The following UGT1A1 variants were observed in gnomAD, a reference collection of about 807,000 sequenced individuals.
UGT1A1 encodes the protein UDP-glucuronosyltransferase 1A1.
UGT1A1 carries 33 observed loss-of-function variants against 40.6 expected under a neutral mutation model. The observed-to-expected ratio is 0.81, with a 90% CI of 0.62 to 1.09. The LOEUF is 1.09. Among genes scored for constraint, UGT1A1 ranks in the 50% least tolerant of loss-of-function variants. The pLI is 0.00. For missense variants in UGT1A1, 694 were observed against 671.2 expected (o/e 1.03, Z -0.38); for synonymous variants, 249 against 265.0 (o/e 0.94, Z 0.59).
In UGT1A1 at chr2:233,768,702, G is replaced by A. The variant is rs573948432; in HGVS notation, c.1304+263G>A. On this transcript the variant is annotated intron_variant, in intron 4 of 4. Coordinates refer to ENST00000305208, the MANE Select transcript of UGT1A1 (RefSeq NM_000463.3). Reference sequence around the variant, plus strand: ...CCCACGTTCAAGCAGTTCTGCCTCAGCCTCCGTGTAGCTGGGATTACAGGT... The same window carrying A: ...CCCACGTTCAAGCAGTTCTGCCTCAACCTCCGTGTAGCTGGGATTACAGGT... 1.1e-4 allele frequency among the ~76,000 whole-genome samples: 17 copies of A among 148,464 alleles called. No homozygotes were observed. In the East Asian group the frequency reaches 3.4e-3, roughly 30 times the overall value.
In UGT1A1 at chr2:233,772,878, G is replaced by T; in HGVS notation, c.*319G>T. 3.5e-6 allele frequency: 2 copies of T among 577,672 alleles called. No individual in the cohort carries two copies. The highest frequency in any genetic ancestry group is 5.2e-5 in the East Asian group (1 of 19,352). The allele number at this position is 577,672 out of a possible 1,614,324, so 35.8% of individuals were successfully genotyped here. A position where few individuals can be genotyped will look rare whatever the true frequency, so the allele number is the denominator to read the frequency against. Reference sequence around the variant, plus strand: ...GAAACATGGCCTGTTTGGGAGTGCGGGATTCAAAGGTGGTCCCACGGCTGC... The same window carrying T: ...GAAACATGGCCTGTTTGGGAGTGCGTGATTCAAAGGTGGTCCCACGGCTGC... On this transcript the variant is annotated 3_prime_UTR_variant, in exon 5 of 5. Transcript: ENST00000305208.
chr2:233,772,660 A>C lies in UGT1A1; in HGVS notation c.*101A>C. Reference sequence around the variant, plus strand: ...AAATTCATTTTATTCTTATTAAGGAAATACTTTGCATAAATTAATCAGCCC... The same window carrying C: ...AAATTCATTTTATTCTTATTAAGGACATACTTTGCATAAATTAATCAGCCC... On this transcript the variant is annotated 3_prime_UTR_variant, in exon 5 of 5. Transcript: ENST00000305208. 1 of 1,542,072 alleles carries C rather than the reference A, an allele frequency of 6.5e-7. No homozygotes were observed. The highest frequency in any genetic ancestry group is 8.7e-7 in the Non-Finnish European group (1 of 1,144,950).
intron 1 of UGT1A1, among the ~76,000 whole-genome samples, chr2:233,763,422 G>A (rs983086025): frequency 2.0e-4 from 31 of 152,076 alleles, no homozygotes; most frequent in Non-Finnish European, 4.1e-4. Context: ...ATCCAGTCAG[G>A]CAGTTGCTTT....
At chr2:233,762,023 TA>T (rs1176936322) in intron 1 of UGT1A1, among the ~76,000 whole-genome samples, 2 of 152,334 alleles carry the variant, frequency 1.3e-5, no homozygotes, top group Non-Finnish European at 2.9e-5. Flanking sequence ...ATTTGTATTT[TA>T]TTTTTTTTAA....
In UGT1A1 at chr2:233,769,879, A is replaced by C; in HGVS notation, c.1304+1440A>C. 5 of 413,904 alleles carry C rather than the reference A, an allele frequency of 1.2e-5. No individual in the cohort carries two copies. The highest frequency in any genetic ancestry group is 4.6e-5 in the East Asian group (1 of 21,696). 25.6% of individuals were successfully genotyped at this position (413,904 alleles called of 1,614,324 possible). ...TCTCAAAAAAAAAAAAAAAAATGAA[A>C]AGTCCACATAACCTGAGCATCATGT... On this transcript the variant is annotated intron_variant, in intron 4 of 4. Coordinates refer to ENST00000305208, the MANE Select transcript of UGT1A1 (RefSeq NM_000463.3). The surrounding 1 kb of genome is among the most constrained non-coding windows in gnomAD (Gnocchi z 4.4).
rs886044684 is a variant in UGT1A1 at position 233,767,925 on chromosome 2, A to G, written c.1073A>G (p.Asn358Ser). The G allele has an allele frequency of 1.2e-6, 2 of 1,614,156 alleles. No homozygotes were observed. Among genetic ancestry groups the G allele is most frequent in the Non-Finnish European group, 1.7e-6 (2 of 1,180,038 alleles). The change falls in exon 3 of 5, where the codon AAC (asparagine) becomes AGC (serine). Residue 358 changes from asparagine (N) to serine (S), a missense_variant. Transcript: ENST00000305208. ...ATACTTGTTAAGTGGCTACCCCAAA[A>G]CGATCTGCTTGGTATGTTGGGCGGA... ...NTILVKWLPQ[N>S]DLLGHPMTRA...
At position 233,772,264 on chromosome 2, in the gene UGT1A1, A is replaced by T. The variant is rs766626435; in HGVS notation, c.1307A>T (p.Tyr436Phe). ...AACGAAACTGTCTTTGTGTTTAGTTACAAGGAGAACATCATGCGCCTCTCC... is the reference window on the plus strand; with the variant it reads ...AACGAAACTGTCTTTGTGTTTAGTTTCAAGGAGAACATCATGCGCCTCTCC... ...ALKAVINDKSYKENIMRLSSL... is the reference protein window; with the variant it reads ...ALKAVINDKSFKENIMRLSSL... The change falls in exon 5 of 5, where the codon TAC (tyrosine) becomes TTC (phenylalanine). Residue 436 changes from tyrosine (Y) to phenylalanine (F), a missense_variant and splice_region_variant. Transcript: ENST00000305208. 1.9e-6 allele frequency: 3 copies of T among 1,614,262 alleles called. No individual in the cohort carries two copies. Among genetic ancestry groups the T allele is most frequent in the Non-Finnish European group, 2.5e-6 (3 of 1,180,060 alleles).
intron 4 of UGT1A1, chr2:233,770,700 A>G (rs1353912546): frequency 1.3e-5 from 2 of 152,056 alleles, no homozygotes; most frequent in African/African-American, 4.8e-5. Flanking sequence ...AATTCATCTT[A>G]AGGTTTATGT....
Position 233,760,930 on chromosome 2 carries a change from A to G in UGT1A1, c.643A>G (p.Ile215Val), listed in dbSNP as rs144398951. 63 of 1,614,176 alleles carry G rather than the reference A, an allele frequency of 3.9e-5. 1 individual carries two copies. In the Middle Eastern group the frequency reaches 1.3e-3, roughly 34 times the overall value. The change falls in exon 1 of 5, where the codon ATT (isoleucine) becomes GTT (valine). Residue 215 changes from isoleucine to valine, a missense_variant. Ile to Val is a conservative substitution (Grantham distance 29). Coordinates refer to ENST00000305208, the MANE Select transcript of UGT1A1 (RefSeq NM_000463.3). ...CCTGCAGCGGGTGAAGAACATGCTC[A>G]TTGCCTTTTCACAGAACTTTCTGTG... The part of the protein sequence containing the change: ...TFLQRVKNML[I>V]AFSQNFLCDV...
chr2:233,767,352 C>A (rs1699374337), intron 2 of UGT1A1, among the ~76,000 whole-genome samples, 187 bp downstream of exon 2: 1 of 152,112 alleles, frequency 6.6e-6, no homozygotes, highest in African/African-American at 2.4e-5. Context: ...ATTTGACTCT[C>A]AAATACTCTA....
In UGT1A1 at chr2:233,760,686, C is replaced by G. The variant is rs1553620770; in HGVS notation, c.399C>G (p.Asn133Lys). ...CTGGCTGTTCCCACTTACTGCACAACAAGGAGCTCATGGCCTCCCTGGCAG... is the reference window on the plus strand; with the variant it reads ...CTGGCTGTTCCCACTTACTGCACAAGAAGGAGCTCATGGCCTCCCTGGCAG... ...LLSGCSHLLH[N>K]KELMASLAES... is the part of the protein sequence containing the mutation. The change falls in exon 1 of 5, where the codon AAC (asparagine) becomes AAG (lysine). Residue 133 changes from asparagine to lysine, a missense_variant. Physicochemically the swap from Asn to Lys is moderately conservative, Grantham distance 94. Transcript: ENST00000305208. 6 of 1,614,220 alleles carry G rather than the reference C, an allele frequency of 3.7e-6. No homozygotes were observed. The highest frequency in any genetic ancestry group is 4.5e-5 in the East Asian group (2 of 44,882).
chr2:233,769,591 A>G lies in UGT1A1; in HGVS notation c.1304+1152A>G. ...CTGGAGCATGTTCAGATGAGAGGAGACGGAACACGGGGACACACCAGCTTG... is the reference window on the plus strand; with the variant it reads ...CTGGAGCATGTTCAGATGAGAGGAGGCGGAACACGGGGACACACCAGCTTG... On this transcript the variant is annotated intron_variant, in intron 4 of 4. Transcript: ENST00000305208. The surrounding 1 kb of genome is among the most constrained non-coding windows in gnomAD (Gnocchi z 4.4). The G allele has an allele frequency of 6.2e-7, 1 of 1,612,772 alleles. No individual in the cohort carries two copies. The highest frequency in any genetic ancestry group is 8.5e-7 in the Non-Finnish European group (1 of 1,179,866).
intron 4 of UGT1A1, chr2:233,770,673 A>G (rs1176637451): frequency 6.6e-6 from 1 of 152,078 alleles, no homozygotes; most frequent in African/African-American, 2.4e-5. Context: ...AAAAAAAAAA[A>G]AAGAAGGTTC....
At chr2:233,768,527 T>C in intron 4 of UGT1A1, 88 bp downstream of exon 4, 2 of 1,515,488 alleles carry the variant, frequency 1.3e-6, no homozygotes, top group South Asian at 2.6e-5. Context: ...TAGCATTTAA[T>C]AGCGTTGTTT....
chr2:233,768,039 G>A, intron 3 of UGT1A1, 103 bp downstream of exon 3: 1 of 1,610,920 alleles, frequency 6.2e-7, no homozygotes, highest in Non-Finnish European at 8.5e-7. Context: ...AAATATTATG[G>A]CCAACATATC....
chr2:233,767,100 GTC>G lies in UGT1A1; in HGVS notation c.934_935del (p.Ser312ArgfsTer12). 6.2e-7 allele frequency: 1 copy of G among 1,614,092 alleles called. No homozygotes were observed. The highest frequency in any genetic ancestry group is 8.5e-7 in the Non-Finnish European group (1 of 1,180,010). The stretch of plus-strand genomic sequence containing the variant: ...TGTGGTTTTCTCTTTGGGATCAATG[GTC>G]TCAGAAATTCCAGAGAAGAAAGCTA... ...GIVVFSLGSMVSEIPEKKAMA... is the reference protein window; with the variant it reads ...GIVVFSLGSMXSEIPEKKAMA... On this transcript the variant is annotated frameshift_variant, in exon 2 of 5. Transcript: ENST00000305208. LOFTEE classifies it high-confidence loss of function.
At chr2:233,762,311 G>T (rs1026120967) in intron 1 of UGT1A1, among the ~76,000 whole-genome samples, 9 of 152,158 alleles carry the variant, frequency 5.9e-5, no homozygotes, top group African/African-American at 2.2e-4. Context: ...CTAGTTAATG[G>T]GTCGAGAGTA....
At chr2:233,761,518 T>C (rs780967719) in intron 1 of UGT1A1, among the ~76,000 whole-genome samples, 1 of 152,242 alleles carries the variant, frequency 6.6e-6, no homozygotes, top group African/African-American at 2.4e-5. Context: ...GCAGGCAATG[T>C]TCAGGACTGA....
intron 1 of UGT1A1, among the ~76,000 whole-genome samples, chr2:233,762,016 T>C (rs1483178639): frequency 3.9e-5 from 6 of 152,180 alleles, no homozygotes; most frequent in Non-Finnish European, 2.9e-5. Flanking sequence ...CAATGTGATT[T>C]GTATTTTATT....
Sources: gnomAD v4.1 joint callset for allele counts (sites outside exome capture counted in the v4.1 genomes callset) on GRCh38, gnomAD v4.1.1 for gene constraint, Gnocchi (gnomAD v3.1) non-coding constraint, MANE v1.5 for transcripts, NCBI Gene and HGNC (gene_info 2026-07-23, HGNC 2026-07-21) for gene names.